Variants in UNC13C observed in about 807,000 individuals in gnomAD.
The protein encoded by UNC13C is unc-13 homolog C, also known as protein unc-13 homolog C.
Under a neutral mutation model 245.4 loss-of-function variants are expected in UNC13C, and 174 were observed. The ratio of observed to expected loss-of-function variants is 0.71; its 90% CI spans 0.63 to 0.80. The LOEUF (loss-of-function observed/expected upper bound fraction) is 0.80, where lower values mean the gene tolerates loss of function less well. UNC13C is among the 30% of genes least tolerant of loss of function. The pLI, the probability that UNC13C is intolerant of heterozygous loss-of-function variation, is 0.00. For synonymous variants in UNC13C, 992 were observed against 895.1 expected (o/e 1.11, Z -1.93); for missense variants, 2,829 against 2,602.9 (o/e 1.09, Z -1.89).
At chr15:54,454,909 A>G (rs1427320864) in intron 19 of UNC13C, among the ~76,000 whole-genome samples, 1 of 151,602 alleles carries the variant, frequency 6.6e-6, no homozygotes, top group Admixed American at 6.6e-5. Flanking sequence ...ATTTTAGTGC[A>G]CCCATCACGT....
chr15:53,838,445 CA>C, the UNC13C span, among the ~76,000 whole-genome samples: 4 of 151,896 alleles, frequency 2.6e-5, no homozygotes, highest in Admixed American at 2.6e-4. Flanking sequence ...ATGTTTTTAT[CA>C]GGTTAAATGT....
At chr15:54,431,845 TA>T (rs2040879687) in intron 19 of UNC13C, among the ~76,000 whole-genome samples, 1 of 151,600 alleles carries the variant, frequency 6.6e-6, no homozygotes, top group Non-Finnish European at 1.5e-5. Flanking sequence ...GAGATCACAT[TA>T]ATCAATTTTT....
At chr15:54,503,708 T>C (rs1894335749) in intron 22 of UNC13C, among the ~76,000 whole-genome samples, 1 of 152,186 alleles carries the variant, frequency 6.6e-6, no homozygotes, top group Non-Finnish European at 1.5e-5. Flanking sequence ...ACAAAGTAGA[T>C]AAAAATCGTT....
At chr15:54,385,434 A>C (rs917448981) in intron 17 of UNC13C, among the ~76,000 whole-genome samples, 1 of 152,118 alleles carries the variant, frequency 6.6e-6, no homozygotes, top group African/African-American at 2.4e-5. Context: ...AAGTACAATA[A>C]GCCAGGCACA....
At chr15:53,890,251 C>A in the UNC13C span, among the ~76,000 whole-genome samples, 2 of 151,842 alleles carry the variant, frequency 1.3e-5, no homozygotes, top group African/African-American at 4.8e-5. Context: ...ACACCATTCT[C>A]CTGCCTCAGC....
At chr15:53,999,394 T>C (rs1022143275) in intron 1 of UNC13C, among the ~76,000 whole-genome samples, 16 of 151,962 alleles carry the variant, frequency 1.1e-4, no homozygotes, top group African/African-American at 3.9e-4. Context: ...TTTTATCCAT[T>C]ACTGAATTTA....
chr15:54,397,082 TA>T (rs1299611907), intron 18 of UNC13C, among the ~76,000 whole-genome samples: 8 of 151,582 alleles, frequency 5.3e-5, no homozygotes, highest in Non-Finnish European at 1.0e-4. Flanking sequence ...TTTAAGCTTT[TA>T]AAAAAATTCT....
At chr15:54,408,199 C>CAAAAAAAAAAAAAAAAAAAAAAAAAA (rs71105808) in intron 18 of UNC13C, among the ~76,000 whole-genome samples, 1 of 29,126 alleles carries the variant, frequency 3.4e-5, no homozygotes, top group African/African-American at 8.8e-5. Flanking sequence ...GACTCTGCCT[C>CAAAAAAAAAAAAAAAAAAAAAAAAAA]AAAAAAAAAA....
chr15:54,615,736 G>C (rs1169234034), intron 30 of UNC13C, among the ~76,000 whole-genome samples: 2 of 152,078 alleles, frequency 1.3e-5, no homozygotes, highest in East Asian at 3.9e-4. Context: ...TGTGTTTCCA[G>C]GTGGAAACAA....
chr15:54,033,389 A>G (rs1896445799), intron 2 of UNC13C, among the ~76,000 whole-genome samples: 1 of 152,170 alleles, frequency 6.6e-6, no homozygotes, highest in Admixed American at 6.6e-5. Flanking sequence ...TAATTAAATG[A>G]CAAGAAAAAA....
chr15:54,599,454 C>G (rs1042815530), intron 30 of UNC13C, among the ~76,000 whole-genome samples: 1 of 151,994 alleles, frequency 6.6e-6, no homozygotes, highest in East Asian at 1.9e-4. Context: ...TATCTGCTTG[C>G]AATCATTGTT....
At position 54,292,261 on chromosome 15, in the gene UNC13C, G is replaced by A. The variant is rs796990233; in HGVS notation, c.3819-1634G>A. On this transcript the variant is annotated intron_variant, in intron 10 of 32. Coordinates refer to ENST00000260323, the MANE Select transcript of UNC13C (RefSeq NM_001080534.3). Reference sequence around the variant, plus strand: ...TAAAAGAATTACATCCTGAGCTAAGGTAATCATCAATGAGTTAAGAAATTT... The same window carrying A: ...TAAAAGAATTACATCCTGAGCTAAGATAATCATCAATGAGTTAAGAAATTT... Among the ~76,000 whole-genome samples the A allele has an allele frequency of 1.6e-4, 24 of 152,028 alleles. 2 individuals carry two copies. The highest frequency in any genetic ancestry group is 5.5e-4 in the African/African-American group (23 of 41,522).
chr15:54,342,289 A>G (rs1435247587), intron 17 of UNC13C, among the ~76,000 whole-genome samples: 1 of 152,120 alleles, frequency 6.6e-6, no homozygotes, highest in African/African-American at 2.4e-5. Flanking sequence ...TGTTATATTG[A>G]AGTTTTCTAA....
chr15:54,110,210 G>T (rs550577526), intron 2 of UNC13C, among the ~76,000 whole-genome samples: 1 of 152,098 alleles, frequency 6.6e-6, no homozygotes, highest in South Asian at 2.1e-4. Context: ...AACCCAGGAG[G>T]CAGAGGTTGC....
the UNC13C span, among the ~76,000 whole-genome samples, chr15:53,856,136 T>C: frequency 4.6e-5 from 7 of 152,138 alleles, no homozygotes; most frequent in Non-Finnish European, 1.0e-4. Flanking sequence ...AGTGGTGATA[T>C]ACACTTTATC....
intron 18 of UNC13C, among the ~76,000 whole-genome samples, chr15:54,398,170 T>C (rs1429553695): frequency 2.0e-5 from 3 of 151,312 alleles, no homozygotes; most frequent in African/African-American, 7.3e-5. Flanking sequence ...TGAAAGGGTG[T>C]TGGATTTTGT....
chr15:54,254,200 C>T (rs2036222571), intron 8 of UNC13C, among the ~76,000 whole-genome samples: 1 of 152,172 alleles, frequency 6.6e-6, no homozygotes, highest in African/African-American at 2.4e-5. Flanking sequence ...TTTGAAATCA[C>T]ATTTTAAGAC....
Position 54,553,352 on chromosome 15 carries a change from A to G in UNC13C, c.5878-2080A>G, listed in dbSNP as rs569316145. ...AATATATAATTGAATATATTGTAAT[A>G]TATAATATAATATATAATTATATTA... On this transcript the variant is annotated intron_variant, in intron 28 of 32. Transcript: ENST00000260323. 6.9e-3 allele frequency among the ~76,000 whole-genome samples: 845 copies of G among 122,612 alleles called. 12 individuals are homozygous for G. Among genetic ancestry groups the G allele is most frequent in the African/African-American group, 0.025 (805 of 32,560 alleles). The allele number at this position is 122,612 out of a possible 152,430, so 80.4% of individuals were successfully genotyped here. A position where few individuals can be genotyped will look rare whatever the true frequency, so the allele number is the denominator to read the frequency against.
chr15:54,101,097 T>C (rs1298787500), intron 2 of UNC13C, among the ~76,000 whole-genome samples: 1 of 152,184 alleles, frequency 6.6e-6, no homozygotes, highest in Non-Finnish European at 1.5e-5. Context: ...ATGGAGAAAT[T>C]CTCCATCTTA....
Sources: allele counts gnomAD v4.1 joint callset (sites outside exome capture counted in the v4.1 genomes callset), GRCh38; gene constraint gnomAD v4.1.1; transcripts MANE v1.5; gene names NCBI Gene and HGNC (gene_info 2026-07-23, HGNC 2026-07-21).